D2HGDH: variants seen among roughly 807,000 people sequenced by gnomAD.
The protein encoded by D2HGDH is D-2-hydroxyglutarate dehydrogenase, mitochondrial.
Under a neutral mutation model 46.9 loss-of-function variants are expected in D2HGDH, and 31 were observed. The ratio of observed to expected loss-of-function variants is 0.66; its 90% CI spans 0.50 to 0.89. The LOEUF (loss-of-function observed/expected upper bound fraction) is 0.89. Among genes scored for constraint, D2HGDH ranks in the 40% least tolerant of loss-of-function variants. The probability of loss-of-function intolerance (pLI) is 0.00; values close to 1 mark genes in which losing one functional copy is unlikely to be tolerated. For missense variants in D2HGDH, 698 were observed against 720.8 expected (o/e 0.97, Z 0.36); for synonymous variants, 364 against 332.6 (o/e 1.09, Z -1.03).
intron 6 of D2HGDH, among the ~76,000 whole-genome samples, chr2:241,746,800 A>G (rs1305069446): frequency 1.3e-5 from 2 of 151,394 alleles, no homozygotes; most frequent in African/African-American, 4.9e-5. Context: ...AGGCAGGAGA[A>G]TTGCTTCAGA....
At chr2:241,763,182 C>T (rs1016754492) in intron 9 of D2HGDH, among the ~76,000 whole-genome samples, 30 of 152,166 alleles carry the variant, frequency 2.0e-4, no homozygotes, top group African/African-American at 7.0e-4. Context: ...GATGGGGATG[C>T]GTCCTGAGAA....
chr2:241,764,023 G>A (rs1398377426), intron 9 of D2HGDH, among the ~76,000 whole-genome samples: 1 of 152,254 alleles, frequency 6.6e-6, no homozygotes, highest in Non-Finnish European at 1.5e-5. Context: ...TCCGGCCTGG[G>A]TGACAGAGGG....
At position 241,763,898 on chromosome 2, in the gene D2HGDH, T is replaced by A. The variant is rs749833652; in HGVS notation, c.1307-3812T>A. On this transcript the variant is annotated intron_variant, in intron 9 of 9. Coordinates refer to ENST00000321264, the MANE Select transcript of D2HGDH (RefSeq NM_152783.5). Reference sequence around the variant, plus strand: ...CCACCCGCCGTTTCTACAAAAAAAATAATCAGCCAGGCATGGTGGTACATG... The same window carrying A: ...CCACCCGCCGTTTCTACAAAAAAAAAAATCAGCCAGGCATGGTGGTACATG... Among the ~76,000 whole-genome samples the A allele has an allele frequency of 2.6e-3, 388 of 151,444 alleles. 2 individuals carry two copies. Among genetic ancestry groups the A allele is most frequent in the Non-Finnish European group, 2.7e-3 (182 of 67,878 alleles).
At chr2:241,755,776 C>T (rs750523390) in intron 8 of D2HGDH, 73 bp from the exon 9 acceptor site, 35 of 1,611,798 alleles carry the variant, frequency 2.2e-5, no homozygotes, top group East Asian at 1.1e-4. Context: ...GCCCTAACCC[C>T]GTGTGGTGTG....
At chr2:241,754,984 C>T (rs112802682) in intron 8 of D2HGDH, 5 of 1,244,702 alleles carry the variant, frequency 4.0e-6, no homozygotes, top group Non-Finnish European at 4.2e-6. Context: ...TAGGACCCTG[C>T]AGGGGAGAGG....
At chr2:241,750,874 C>A (rs1168069035) in intron 7 of D2HGDH, among the ~76,000 whole-genome samples, 1 of 152,192 alleles carries the variant, frequency 6.6e-6, no homozygotes, top group Non-Finnish European at 1.5e-5. Flanking sequence ...TCTCCTGCCT[C>A]AGCCTCCTGA....
chr2:241,762,153 C>T (rs150935631), intron 9 of D2HGDH, among the ~76,000 whole-genome samples: 33 of 147,086 alleles, frequency 2.2e-4, no homozygotes, highest in African/African-American at 8.1e-4. Flanking sequence ...CTCACTGCAA[C>T]GTCCGCCTCC....
In D2HGDH at chr2:241,755,042, C is replaced by T. The variant is rs973170416; in HGVS notation, c.1141-807C>T. The stretch of plus-strand genomic sequence containing the variant: ...TGGCTCTGTCCTGTTCCTCATGGTG[C>T]AGATCTCCACAATGGAAGTTCGAAG... On this transcript the variant is annotated intron_variant, in intron 8 of 9. Transcript: ENST00000321264. The T allele has an allele frequency of 1.4e-5, 18 of 1,297,350 alleles. No individual in the cohort carries two copies. The Admixed American group carries it at 3.9e-4, about 28-fold the overall frequency. 80.4% of individuals were successfully genotyped at this position (1,297,350 alleles called of 1,614,324 possible).
Position 241,750,136 on chromosome 2 carries a change from T to C in D2HGDH, c.854-15T>C. On this transcript the variant is annotated splice_polypyrimidine_tract_variant and intron_variant, in intron 6 of 9. Transcript: ENST00000321264. ...TAGCTCCGTGTGGTGCTTGACATGC[T>C]GTGACCCGTTTCAGGCTGCCCAGGC... is the stretch of plus-strand genomic sequence containing the variant. 1.2e-6 allele frequency: 2 copies of C among 1,613,886 alleles called. No individual in the cohort carries two copies. Among genetic ancestry groups the C allele is most frequent in the South Asian group, 2.2e-5 (2 of 91,080 alleles).
chr2:241,743,244 C>T lies in D2HGDH; in HGVS notation c.491-378C>T, dbSNP rs1694993089. 2.0e-5 allele frequency among the ~76,000 whole-genome samples: 3 copies of T among 152,224 alleles called. No homozygotes were observed. In the South Asian group the frequency reaches 6.2e-4, roughly 31 times the overall value. On this transcript the variant is annotated intron_variant, in intron 4 of 9. Transcript: ENST00000321264. This position sits in a 1 kb window ranked among gnomAD's most constrained non-coding sequence, Gnocchi z 4.8. ...TGCACTGTTGGGTGTTGAGCAGCAT[C>T]CTTGGCCTCCGCCTACAAGGTGCCC...
rs146946620 is a variant in D2HGDH, at chr2:241,743,133, C to T, written c.491-489C>T. Among the ~76,000 whole-genome samples the T allele has an allele frequency of 1.7e-5, 1 of 57,250 alleles. No homozygotes were observed. The highest frequency in any genetic ancestry group is 1.1e-4 in the African/African-American group (1 of 9,330). 37.6% of individuals were successfully genotyped at this position (57,250 alleles called of 152,430 possible). Reference sequence around the variant, plus strand: ...CGTGGCAGGCATGAGGGGATCCTGACCCAGGGCGCCAGGGTCCTGCTCTGG... The same window carrying T: ...CGTGGCAGGCATGAGGGGATCCTGATCCAGGGCGCCAGGGTCCTGCTCTGG... On this transcript the variant is annotated intron_variant, in intron 4 of 9. Coordinates refer to ENST00000321264, the MANE Select transcript of D2HGDH (RefSeq NM_152783.5). The surrounding 1 kb of genome is among the most constrained non-coding windows in gnomAD (Gnocchi z 4.8).
chr2:241,758,762 A>C (rs1027925890), intron 9 of D2HGDH, among the ~76,000 whole-genome samples: 1 of 104,988 alleles, frequency 9.5e-6, no homozygotes, highest in African/African-American at 3.6e-5. Flanking sequence ...CCCCCGCCCC[A>C]CAATATATGT....
rs1395291239 is a variant in D2HGDH, at chr2:241,750,026, T to G, written c.854-125T>G. Reference sequence around the variant, plus strand: ...CTGTTTGTTGCAGTGCCAGTCCTCGTGCTCCTCGTGGCTGCCCAGCTCACC... The same window carrying G: ...CTGTTTGTTGCAGTGCCAGTCCTCGGGCTCCTCGTGGCTGCCCAGCTCACC... On this transcript the variant is annotated intron_variant, in intron 6 of 9. Transcript: ENST00000321264. The G allele has an allele frequency of 2.1e-6, 3 of 1,434,252 alleles. No individual in the cohort carries two copies. In the African/African-American group the frequency reaches 4.2e-5, roughly 20 times the overall value. The allele number at this position is 1,434,252 out of a possible 1,614,324, so 88.8% of individuals were successfully genotyped here.
At position 241,755,500 on chromosome 2, in the gene D2HGDH, A is replaced by G. The variant is rs146828859; in HGVS notation, c.1141-349A>G. 2.4e-3 allele frequency: 3,234 copies of G among 1,344,152 alleles called. 77 individuals carry two copies. In the African/African-American group the frequency reaches 0.043, roughly 18 times the overall value. The allele number at this position is 1,344,152 out of a possible 1,614,324, so 83.3% of individuals were successfully genotyped here. A position where few individuals can be genotyped will look rare whatever the true frequency, so the allele number is the denominator to read the frequency against. ...CAGGTGGGCGCCTCCCCCTTCCGTC[A>G]TGGCTGTCCCCCTTCTGTGAGGTGT... is the stretch of plus-strand genomic sequence containing the variant. On this transcript the variant is annotated intron_variant, in intron 8 of 9. Coordinates refer to ENST00000321264, the MANE Select transcript of D2HGDH (RefSeq NM_152783.5).
intron 8 of D2HGDH, among the ~76,000 whole-genome samples, chr2:241,754,140 G>T (rs1213552264): frequency 6.6e-6 from 1 of 152,236 alleles, no homozygotes; most frequent in Non-Finnish European, 1.5e-5. Flanking sequence ...CAAGGGTAGA[G>T]CCCATCTTGT....
intron 2 of D2HGDH, among the ~76,000 whole-genome samples, chr2:241,740,654 C>T (rs977101340): frequency 1.3e-5 from 2 of 152,140 alleles, no homozygotes; most frequent in Non-Finnish European, 2.9e-5. Flanking sequence ...CAAATAAGAT[C>T]ACTCTCTGGG....
rs763773809 is a variant in D2HGDH at position 241,755,924 on chromosome 2, C to G, written c.1216C>G (p.Leu406Val). Reference sequence around the variant, plus strand: ...CTACGTGTACAAGTACGACCTCTCCCTCCCTGTGGAGCGGCTCTACGACAT... The same window carrying G: ...CTACGTGTACAAGTACGACCTCTCCGTCCCTGTGGAGCGGCTCTACGACAT... ...DGYVYKYDLS[L>V]PVERLYDIVT... Residue 406 changes from leucine to valine, a missense_variant, in exon 9 of 10, where the codon CTC becomes GTC. Coordinates refer to ENST00000321264, the MANE Select transcript of D2HGDH (RefSeq NM_152783.5). 1 of 1,612,898 alleles carries G rather than the reference C, an allele frequency of 6.2e-7. No individual in the cohort carries two copies. The highest frequency in any genetic ancestry group is 8.5e-7 in the Non-Finnish European group (1 of 1,179,486).
chr2:241,762,292 G>A (rs1428639826), intron 9 of D2HGDH, among the ~76,000 whole-genome samples: 4 of 152,102 alleles, frequency 2.6e-5, no homozygotes, highest in Admixed American at 6.5e-5. Context: ...GGCTGGTCTC[G>A]AACTCCTGAC....
In D2HGDH at chr2:241,768,267, C is replaced by T. The variant is rs555079079; in HGVS notation, c.*298C>T. 29 of 450,652 alleles carry T rather than the reference C, an allele frequency of 6.4e-5. No homozygotes were observed. Among genetic ancestry groups the T allele is most frequent in the Middle Eastern group, 6.0e-4 (1 of 1,670 alleles). 27.9% of individuals were successfully genotyped at this position (450,652 alleles called of 1,614,324 possible). ...CCACGTGGAAGCGGGGTGGGTCTCA[C>T]TTGCGTGGTGGCCCCTGGCCCCATC... On this transcript the variant is annotated 3_prime_UTR_variant, in exon 10 of 10. Coordinates refer to ENST00000321264, the MANE Select transcript of D2HGDH (RefSeq NM_152783.5).
Sources: allele counts gnomAD v4.1 joint callset (sites outside exome capture counted in the v4.1 genomes callset), GRCh38; gene constraint gnomAD v4.1.1; non-coding constraint Gnocchi (gnomAD v3.1); transcripts MANE v1.5; gene names NCBI Gene and HGNC (gene_info 2026-07-23, HGNC 2026-07-21).